The following SEMA3E variants were observed in gnomAD, a reference collection of about 807,000 sequenced individuals.
SEMA3E encodes the protein semaphorin-3E.
A neutral mutation model predicts 93.6 loss-of-function variants in SEMA3E; 49 were observed. The ratio of observed to expected loss-of-function variants is 0.52; its 90% CI spans 0.42 to 0.66. The LOEUF is 0.66. Among genes scored for constraint, SEMA3E ranks in the 30% least tolerant of loss-of-function variants. The pLI is 0.00. For missense variants in SEMA3E, 906 were observed against 964.8 expected (o/e 0.94, Z 0.81); for synonymous variants, 363 against 330.7 (o/e 1.10, Z -1.06).
Position 83,499,143 on chromosome 7 carries a change from A to C in SEMA3E, c.116-8869T>G, listed in dbSNP as rs561698532. ...GTTGTATGGATCACCTGCGGTGGGC[A>C]TTTGAAATCTTTTAAATTTTTACTA... On this transcript the variant is annotated intron_variant, in intron 1 of 16. Coordinates refer to ENST00000643230, the MANE Select transcript of SEMA3E (RefSeq NM_012431.3). 7.9e-5 allele frequency among the ~76,000 whole-genome samples: 12 copies of C among 152,276 alleles called. 1 individual carries two copies. The South Asian group carries it at 2.3e-3, about 29-fold the overall frequency.
chr7:83,572,046 A>G (rs1792297674), intron 1 of SEMA3E, among the ~76,000 whole-genome samples: 1 of 152,210 alleles, frequency 6.6e-6, no homozygotes, highest in Non-Finnish European at 1.5e-5. Context: ...TATGAGAATT[A>G]TAAAACACCT....
At chr7:83,449,441 T>A (rs1789307769) in intron 4 of SEMA3E, among the ~76,000 whole-genome samples, 1 of 151,942 alleles carries the variant, frequency 6.6e-6, no homozygotes, top group African/African-American at 2.4e-5. Flanking sequence ...ATGCTTAAAA[T>A]ATTTTATATT....
chr7:83,595,273 T>C (rs1792848879), intron 1 of SEMA3E, among the ~76,000 whole-genome samples: 1 of 152,128 alleles, frequency 6.6e-6, no homozygotes, highest in Non-Finnish European at 1.5e-5. Flanking sequence ...TTTTTCACAA[T>C]TCCATGACAT....
intron 1 of SEMA3E, among the ~76,000 whole-genome samples, chr7:83,528,580 C>A (rs1247495007): frequency 2.0e-5 from 3 of 152,026 alleles, no homozygotes; most frequent in Non-Finnish European, 4.4e-5. Flanking sequence ...AATACTCATT[C>A]AATTATCTAT....
intron 1 of SEMA3E, among the ~76,000 whole-genome samples, chr7:83,646,398 C>T (rs888081716): frequency 1.3e-5 from 2 of 152,008 alleles, no homozygotes; most frequent in African/African-American, 2.4e-5. Flanking sequence ...TTCACTGAGG[C>T]CCCTGAGGTG....
At chr7:83,445,894 T>C (rs749152566) in intron 4 of SEMA3E, among the ~76,000 whole-genome samples, 3 of 152,126 alleles carry the variant, frequency 2.0e-5, no homozygotes, top group African/African-American at 4.8e-5. Flanking sequence ...CCTTTTTAAA[T>C]AGGAGATATT....
At chr7:83,544,521 A>G (rs1791604733) in intron 1 of SEMA3E, among the ~76,000 whole-genome samples, 1 of 152,162 alleles carries the variant, frequency 6.6e-6, no homozygotes, top group African/African-American at 2.4e-5. Context: ...CGGTTAGCAC[A>G]GTGCCAGACA....
intron 1 of SEMA3E, among the ~76,000 whole-genome samples, chr7:83,600,977 G>A (rs1792983667): frequency 1.3e-5 from 2 of 152,210 alleles, no homozygotes; most frequent in African/African-American, 4.8e-5. Context: ...GAGATGGGGA[G>A]TTTATTCTGC....
At position 83,458,903 on chromosome 7, in the gene SEMA3E, TAACA is replaced by T. The variant is rs761436355; in HGVS notation, c.456+7575_456+7578del. 1.6e-4 allele frequency among the ~76,000 whole-genome samples: 24 copies of T among 147,014 alleles called. 1 individual carries two copies. The highest frequency in any genetic ancestry group is 1.4e-3 in the Admixed American group (20 of 14,586). On this transcript the variant is annotated intron_variant, in intron 4 of 16. Transcript: ENST00000643230. ...ATATAATAATATATATAGTTATATA[TAACA>T]AATATAAATATATATGTATATATGT... is the stretch of plus-strand genomic sequence containing the variant.
At chr7:83,626,845 T>C (rs1363132954) in intron 1 of SEMA3E, among the ~76,000 whole-genome samples, 1 of 152,204 alleles carries the variant, frequency 6.6e-6, no homozygotes, top group African/African-American at 2.4e-5. Flanking sequence ...AGGGATTTAG[T>C]GCCATAAATT....
chr7:83,524,084 A>G (rs1401767336), intron 1 of SEMA3E, among the ~76,000 whole-genome samples: 1 of 152,146 alleles, frequency 6.6e-6, no homozygotes, highest in Admixed American at 6.6e-5. Flanking sequence ...AACCAACAAG[A>G]TTACCTTAGT....
At chr7:83,571,922 C>T (rs941083551) in intron 1 of SEMA3E, among the ~76,000 whole-genome samples, 1 of 151,938 alleles carries the variant, frequency 6.6e-6, no homozygotes, top group Non-Finnish European at 1.5e-5. Flanking sequence ...CATTTTTATG[C>T]ACCAAAAACA....
chr7:83,366,420 T>C lies in SEMA3E; in HGVS notation c.*1166A>G, dbSNP rs552124326. The stretch of plus-strand genomic sequence containing the variant: ...ATATCTCAGTAGTTAAGTGAACTCA[T>C]GAAACAATTTTCTGTCTCTTAATAT... On this transcript the variant is annotated 3_prime_UTR_variant, in exon 17 of 17. Coordinates refer to ENST00000643230, the MANE Select transcript of SEMA3E (RefSeq NM_012431.3). 3.3e-5 allele frequency: 5 copies of C among 152,078 alleles called. No individual in the cohort carries two copies. The highest frequency in any genetic ancestry group is 1.2e-4 in the African/African-American group (5 of 41,560). 9.4% of individuals were successfully genotyped at this position (152,078 alleles called of 1,614,324 possible). A position where few individuals can be genotyped will look rare whatever the true frequency, so the allele number is the denominator to read the frequency against.
intron 4 of SEMA3E, among the ~76,000 whole-genome samples, chr7:83,465,728 CAG>C (rs1789741842): frequency 1.3e-5 from 2 of 152,246 alleles, no homozygotes; most frequent in African/African-American, 2.4e-5. Flanking sequence ...TGAAAAATAA[CAG>C]ATTCTACATG....
intron 1 of SEMA3E, among the ~76,000 whole-genome samples, chr7:83,629,216 G>A (rs1846032): frequency 0.35 from 53,320 of 152,006 alleles, 11,986 homozygotes; most frequent in African/African-American, 0.63. Flanking sequence ...GTTGCTAGCC[G>A]GAGCTCTCCC....
At chr7:83,619,955 G>A (rs1793517390) in intron 1 of SEMA3E, among the ~76,000 whole-genome samples, 2 of 138,818 alleles carry the variant, frequency 1.4e-5, no homozygotes, top group South Asian at 2.4e-4. Context: ...GCAAAACCAT[G>A]TTTGCTCTTT....
chr7:83,564,932 A>G (rs1377994126), intron 1 of SEMA3E, among the ~76,000 whole-genome samples: 2 of 152,196 alleles, frequency 1.3e-5, no homozygotes, highest in African/African-American at 4.8e-5. Flanking sequence ...AAATTAACAA[A>G]ATAGGTAGAC....
At chr7:83,451,301 C>T (rs1317420496) in intron 4 of SEMA3E, among the ~76,000 whole-genome samples, 2 of 152,012 alleles carry the variant, frequency 1.3e-5, no homozygotes, top group African/African-American at 4.8e-5. Flanking sequence ...CTTGCAAATT[C>T]CTTTTATAAA....
intron 1 of SEMA3E, among the ~76,000 whole-genome samples, chr7:83,529,588 A>T (rs1791241090): frequency 6.6e-6 from 1 of 152,160 alleles, no homozygotes; most frequent in Non-Finnish European, 1.5e-5. Flanking sequence ...AATAGCCAAG[A>T]GTTAGATCAT....
Sources: gnomAD v4.1 joint callset for allele counts (sites outside exome capture counted in the v4.1 genomes callset) on GRCh38, gnomAD v4.1.1 for gene constraint, MANE v1.5 for transcripts, NCBI Gene and HGNC (gene_info 2026-07-23, HGNC 2026-07-21) for gene names.